Variants in EVI5 observed in about 807,000 individuals in gnomAD.
The protein encoded by EVI5 is ecotropic viral integration site 5 protein homolog.
In EVI5, 73 loss-of-function variants were observed where a neutral mutation model predicts 112.0. The observed-to-expected ratio is 0.65, with a 90% CI of 0.54 to 0.79. The LOEUF is 0.79. Among genes scored for constraint, EVI5 ranks in the 30% least tolerant of loss-of-function variants. The pLI is 0.00. For missense variants in EVI5, 900 were observed against 968.8 expected (o/e 0.93, Z 0.94); for synonymous variants, 305 against 319.9 (o/e 0.95, Z 0.50).
intron 19 of EVI5, among the ~76,000 whole-genome samples, chr1:92,535,946 C>T (rs1485986164): frequency 6.6e-6 from 1 of 151,986 alleles, no homozygotes; most frequent in South Asian, 2.1e-4. Flanking sequence ...AATTATTTAT[C>T]CCACCCTTTT....
At chr1:92,558,349 C>T (rs1196182950) in intron 19 of EVI5, among the ~76,000 whole-genome samples, 1 of 151,932 alleles carries the variant, frequency 6.6e-6, no homozygotes, top group African/African-American at 2.4e-5. Context: ...ATATCCACTG[C>T]CTATCTGATA....
chr1:92,602,341 T>C (rs1030098281), intron 18 of EVI5, among the ~76,000 whole-genome samples: 17 of 152,180 alleles, frequency 1.1e-4, no homozygotes, highest in Admixed American at 1.1e-3. Flanking sequence ...TTACTACTTT[T>C]ATCATATTAT....
At chr1:92,609,836 C>G (rs1651337177) in intron 16 of EVI5, among the ~76,000 whole-genome samples, 1 of 151,826 alleles carries the variant, frequency 6.6e-6, no homozygotes, top group Non-Finnish European at 1.5e-5. Flanking sequence ...ACTTGTCTTC[C>G]TGTAACACAT....
chr1:92,548,711 CAG>C (rs888967602), intron 19 of EVI5, among the ~76,000 whole-genome samples: 1 of 152,060 alleles, frequency 6.6e-6, no homozygotes, highest in Non-Finnish European at 1.5e-5. Context: ...AACAGACAAA[CAG>C]AGAGCCAAAT....
At chr1:92,604,774 G>A (rs893545909) in intron 18 of EVI5, among the ~76,000 whole-genome samples, 2 of 152,210 alleles carry the variant, frequency 1.3e-5, no homozygotes, top group African/African-American at 4.8e-5. Context: ...AAACACATGA[G>A]TAATGTGTTG....
chr1:92,772,906 T>TA (rs529315237), intron 1 of EVI5, among the ~76,000 whole-genome samples: 83,185 of 109,756 alleles, frequency 0.76, 31,655 homozygotes, highest in Middle Eastern at 0.81. Context: ...AACCCCATCT[T>TA]AAAAAAAAAA....
intron 2 of EVI5, among the ~76,000 whole-genome samples, chr1:92,735,925 C>T (rs2065915): frequency 0.7 from 102,914 of 147,500 alleles, 36,409 homozygotes; most frequent in East Asian, 0.94. Context: ...AGGAAACAAA[C>T]GGAGTCCGGA....
chr1:92,717,426 T>C (rs1027645341), intron 2 of EVI5, among the ~76,000 whole-genome samples: 2 of 152,124 alleles, frequency 1.3e-5, no homozygotes, highest in African/African-American at 2.4e-5. Context: ...AACACAGAAT[T>C]TCATATCCAG....
chr1:92,787,563 C>G (rs535646135), upstream of EVI5, among the ~76,000 whole-genome samples: 14 of 29,938 alleles, frequency 4.7e-4, no homozygotes, highest in East Asian at 0.023. Context: ...AAAACCCTAT[C>G]TTTACAAAAA....
At chr1:92,685,043 G>C (rs1668274133) in intron 9 of EVI5, among the ~76,000 whole-genome samples, 1 of 151,682 alleles carries the variant, frequency 6.6e-6, no homozygotes, top group Non-Finnish European at 1.5e-5. Flanking sequence ...CTCAGCTCTG[G>C]ACCAAGCAGA....
intron 19 of EVI5, among the ~76,000 whole-genome samples, chr1:92,559,458 C>CT (rs1668174597): frequency 6.8e-6 from 1 of 146,086 alleles, no homozygotes; most frequent in African/African-American, 2.8e-5. Context: ...CTGGAATACT[C>CT]TTTCCACTGA....
intron 13 of EVI5, among the ~76,000 whole-genome samples, chr1:92,649,995 A>G (rs1475699607): frequency 1.3e-5 from 2 of 152,138 alleles, no homozygotes; most frequent in Non-Finnish European, 2.9e-5. Flanking sequence ...CTGGCCATAG[A>G]TGTATGGGTT....
chr1:92,778,164 C>T (rs1283761476), intron 1 of EVI5, among the ~76,000 whole-genome samples: 1 of 152,152 alleles, frequency 6.6e-6, no homozygotes, highest in Non-Finnish European at 1.5e-5. Flanking sequence ...GCCTCAGCCT[C>T]CCAAAGGGCT....
intron 9 of EVI5, among the ~76,000 whole-genome samples, chr1:92,686,958 T>G (rs539097318): frequency 6.6e-6 from 1 of 152,288 alleles, no homozygotes; most frequent in Non-Finnish European, 1.5e-5. Context: ...AAAATGGCCA[T>G]ACTGCCCAAG....
chr1:92,622,181 C>A, intron 16 of EVI5: 1 of 184,674 alleles, frequency 5.4e-6, no homozygotes, highest in Non-Finnish European at 1.2e-5. Context: ...CTGAATCTAG[C>A]AATGGGAATG....
At chr1:92,539,430 C>A (rs1041636456) in intron 19 of EVI5, among the ~76,000 whole-genome samples, 9 of 151,182 alleles carry the variant, frequency 6.0e-5, no homozygotes, top group African/African-American at 2.2e-4. Flanking sequence ...GTAGTCCCAG[C>A]TACTTGGGAG....
intron 2 of EVI5, among the ~76,000 whole-genome samples, chr1:92,719,234 C>T (rs1179111912): frequency 6.6e-6 from 1 of 151,826 alleles, no homozygotes; most frequent in Non-Finnish European, 1.5e-5. Context: ...TTGGCAGAGA[C>T]ACGATGAAAA....
In EVI5 at chr1:92,657,160, C is replaced by T. The variant is rs183886168; in HGVS notation, c.1392+5559G>A. 5.9e-5 allele frequency among the ~76,000 whole-genome samples: 9 copies of T among 152,230 alleles called. No individual in the cohort carries two copies. In the East Asian group the frequency reaches 1.5e-3, roughly 26 times the overall value. ...TCCTAGCAAACCAAATCCAGCAGCA[C>T]ATCATAAAGATAATATATCACAATC... On this transcript the variant is annotated intron_variant, in intron 13 of 19. Transcript: ENST00000684568.
chr1:92,523,200 T>TA (rs1379707511), intron 19 of EVI5, among the ~76,000 whole-genome samples: 1 of 152,128 alleles, frequency 6.6e-6, no homozygotes, highest in Middle Eastern at 3.2e-3. Flanking sequence ...CTTTAACTTT[T>TA]TATTATGGAA....
Sources: gnomAD v4.1 joint callset for allele counts (sites outside exome capture counted in the v4.1 genomes callset) on GRCh38, gnomAD v4.1.1 for gene constraint, MANE v1.5 for transcripts, NCBI Gene and HGNC (gene_info 2026-07-23, HGNC 2026-07-21) for gene names.